ST8SIA2: variants seen among roughly 807,000 people sequenced by gnomAD.
ST8SIA2 encodes the protein alpha-2,8-sialyltransferase 8B.
Under a neutral mutation model 37.6 loss-of-function variants are expected in ST8SIA2, and 22 were observed. The observed-to-expected ratio is 0.58, with a 90% CI of 0.42 to 0.83. ST8SIA2 has a LOEUF of 0.83. Among genes scored for constraint, ST8SIA2 ranks in the 40% least tolerant of loss-of-function variants. ST8SIA2 has a pLI of 0.00. For synonymous variants in ST8SIA2, 205 were observed against 201.2 expected (o/e 1.02, Z -0.16); for missense variants, 382 against 484.7 (o/e 0.79, Z 1.99).
At chr15:92,424,795 A>G (rs1316250246) in intron 1 of ST8SIA2, among the ~76,000 whole-genome samples, 1 of 152,052 alleles carries the variant, frequency 6.6e-6, no homozygotes, top group Non-Finnish European at 1.5e-5. Flanking sequence ...TATTTTTAGT[A>G]CAGATGGGAT....
intron 1 of ST8SIA2, among the ~76,000 whole-genome samples, chr15:92,402,133 G>A (rs1053776520): frequency 6.6e-6 from 1 of 152,092 alleles, no homozygotes; most frequent in African/African-American, 2.4e-5. Flanking sequence ...CAGTGTTTTG[G>A]AAATACTATG....
At chr15:92,432,304 G>A (rs910599183) in intron 2 of ST8SIA2, among the ~76,000 whole-genome samples, 1 of 152,184 alleles carries the variant, frequency 6.6e-6, no homozygotes, top group Admixed American at 6.5e-5. Flanking sequence ...TGTCGCTGAG[G>A]TCAGTGCCCC....
chr15:92,430,633 C>T (rs1160052151), intron 2 of ST8SIA2, among the ~76,000 whole-genome samples: 1 of 152,182 alleles, frequency 6.6e-6, no homozygotes, highest in Non-Finnish European at 1.5e-5. Context: ...TGGTGCAGAA[C>T]AGTCATTGCC....
chr15:92,464,362 G>T lies in ST8SIA2; in HGVS notation c.1105G>T (p.Gly369Cys). Residue 369 changes from glycine (G) to cysteine (C), a missense_variant, in exon 6 of 6, where the codon GGC becomes TGC. Physicochemically the swap from Gly to Cys is radical, Grantham distance 159 (BLOSUM62 -3). Transcript: ENST00000268164. The part of the protein sequence containing the change: ...HEQGALKLTV[G>C]QCDGAT ...GCAGGGGGCTTTGAAACTGACTGTC[G>T]GCCAGTGCGATGGGGCCACGTAGGG... The T allele has an allele frequency of 6.2e-7, 1 of 1,613,770 alleles. No homozygotes were observed. The highest frequency in any genetic ancestry group is 8.5e-7 in the Non-Finnish European group (1 of 1,180,004).
Position 92,424,437 on chromosome 15 carries a change from CA to C in ST8SIA2, c.99-5607del, listed in dbSNP as rs948520253. 6.8e-4 allele frequency among the ~76,000 whole-genome samples: 103 copies of C among 152,014 alleles called. 1 individual carries two copies. Among genetic ancestry groups the C allele is most frequent in the Admixed American group, 6.7e-3 (103 of 15,266 alleles). On this transcript the variant is annotated intron_variant, in intron 1 of 5. Coordinates refer to ENST00000268164, the MANE Select transcript of ST8SIA2 (RefSeq NM_006011.4). The stretch of plus-strand genomic sequence containing the variant: ...ATTGGGCTTGGATGAAGAGGCTAAG[CA>C]AAAATGCAGTTTTCAGGTTTTGCTA...
At chr15:92,459,829 T>C (rs1255414706) in intron 5 of ST8SIA2, among the ~76,000 whole-genome samples, 1 of 152,176 alleles carries the variant, frequency 6.6e-6, no homozygotes, top group Non-Finnish European at 1.5e-5. Context: ...TGACCTCAGG[T>C]GATCCGCCCG....
intron 1 of ST8SIA2, among the ~76,000 whole-genome samples, chr15:92,416,352 T>G (rs1459012409): frequency 2.1e-5 from 3 of 140,966 alleles, no homozygotes; most frequent in Non-Finnish European, 3.1e-5. Context: ...GGGGTGGAGG[T>G]GGGTGGGAGG....
intron 5 of ST8SIA2, chr15:92,445,143 TG>T: frequency 1.5e-6 from 1 of 671,350 alleles, no homozygotes; most frequent in Non-Finnish European, 2.6e-6. Flanking sequence ...TTTTGACCAA[TG>T]GGTAGTGCCT....
chr15:92,411,634 G>T (rs2049550043), intron 1 of ST8SIA2, among the ~76,000 whole-genome samples: 1 of 152,140 alleles, frequency 6.6e-6, no homozygotes, highest in Admixed American at 6.5e-5. Context: ...GCAACTAGGG[G>T]ATAAGAGGGC....
Position 92,434,290 on chromosome 15 carries a change from G to T in ST8SIA2, c.205G>T (p.Asp69Tyr), listed in dbSNP as rs767205382. 3 of 1,613,916 alleles carry T rather than the reference G, an allele frequency of 1.9e-6. No individual in the cohort carries two copies. The highest frequency in any genetic ancestry group is 1.7e-6 in the Non-Finnish European group (2 of 1,179,998). Residue 69 changes from aspartate (D) to tyrosine (Y), a missense_variant, in exon 3 of 6, where the codon GAC becomes TAC. Coordinates refer to ENST00000268164, the MANE Select transcript of ST8SIA2 (RefSeq NM_006011.4). ...CGGCTCCTCATCACCAGCTGTTGTTGACAGAAGTAATGAAAGCATCAAGCA... is the reference window on the plus strand; with the variant it reads ...CGGCTCCTCATCACCAGCTGTTGTTTACAGAAGTAATGAAAGCATCAAGCA... ...INGSSSPAVV[D>Y]RSNESIKHNI...
At chr15:92,436,002 G>A (rs914050449) in intron 3 of ST8SIA2, among the ~76,000 whole-genome samples, 14 of 152,024 alleles carry the variant, frequency 9.2e-5, no homozygotes, top group East Asian at 3.9e-4. Flanking sequence ...TCTGGTGGCC[G>A]CAGAACTCCA....
At position 92,430,221 on chromosome 15, in the gene ST8SIA2, C is replaced by T. The variant is rs565614314; in HGVS notation, c.161+110C>T. 465 of 1,129,794 alleles carry T rather than the reference C, an allele frequency of 4.1e-4. No individual in the cohort carries two copies. The Middle Eastern group carries it at 5.9e-3, about 14-fold the overall frequency. The allele number at this position is 1,129,794 out of a possible 1,614,324, so 70.0% of individuals were successfully genotyped here. A position where few individuals can be genotyped will look rare whatever the true frequency, so the allele number is the denominator to read the frequency against. On this transcript the variant is annotated intron_variant, in intron 2 of 5. Coordinates refer to ENST00000268164, the MANE Select transcript of ST8SIA2 (RefSeq NM_006011.4). ...TCTTACTTAGCAAATAGATCTGTTTCGTTTCACTTTGGCTTTGCATTTCCC... is the reference window on the plus strand; with the variant it reads ...TCTTACTTAGCAAATAGATCTGTTTTGTTTCACTTTGGCTTTGCATTTCCC...
At position 92,438,517 on chromosome 15, in the gene ST8SIA2, A is replaced by G. The variant is rs531706864; in HGVS notation, c.455A>G (p.Lys152Arg). 5 of 1,614,196 alleles carry G rather than the reference A, an allele frequency of 3.1e-6. No homozygotes were observed. The highest frequency in any genetic ancestry group is 2.7e-5 in the African/African-American group (2 of 75,054). The change falls in exon 4 of 6, where the codon AAG (lysine) becomes AGG (arginine). Residue 152 changes from lysine (K) to arginine (R), a missense_variant. Lys to Arg is a conservative substitution (Grantham distance 26). Coordinates refer to ENST00000268164, the MANE Select transcript of ST8SIA2 (RefSeq NM_006011.4). ...LLPRTSPLKN[K>R]HFGTCAIVGN... ...CCCAGGACTTCGCCACTGAAGAATA[A>G]GCACTTTGGGACTTGTGCCATCGTG...
At chr15:92,424,300 C>T (rs922479866) in intron 1 of ST8SIA2, among the ~76,000 whole-genome samples, 1 of 152,132 alleles carries the variant, frequency 6.6e-6, no homozygotes, top group Non-Finnish European at 1.5e-5. Flanking sequence ...CTTACCTTAC[C>T]TATAAATAAC....
chr15:92,435,464 A>G (rs2049749747), intron 3 of ST8SIA2, among the ~76,000 whole-genome samples: 2 of 152,142 alleles, frequency 1.3e-5, no homozygotes, highest in South Asian at 4.1e-4. Flanking sequence ...GACGATAGGC[A>G]GGACCAGACG....
intron 1 of ST8SIA2, among the ~76,000 whole-genome samples, chr15:92,396,367 T>G (rs2049430241): frequency 6.6e-6 from 1 of 152,126 alleles, no homozygotes; most frequent in Non-Finnish European, 1.5e-5. Flanking sequence ...ATTTTGGGAT[T>G]CACCATGGCT....
chr15:92,444,447 C>G (rs548298875), intron 4 of ST8SIA2, among the ~76,000 whole-genome samples, 189 bp from the exon 5 acceptor site: 1 of 152,248 alleles, frequency 6.6e-6, no homozygotes, highest in South Asian at 2.1e-4. Flanking sequence ...GATATGAGCT[C>G]AGTAAACCTT....
At chr15:92,438,240 G>C (rs575415315) in intron 3 of ST8SIA2, 113 bp from the exon 4 acceptor site, 2 of 1,467,200 alleles carry the variant, frequency 1.4e-6, no homozygotes, top group South Asian at 1.1e-5. Context: ...CATACTCTGC[G>C]TGTTTGCTGG....
intron 1 of ST8SIA2, among the ~76,000 whole-genome samples, chr15:92,421,795 T>A (rs1488874077): frequency 6.6e-6 from 1 of 152,204 alleles, no homozygotes; most frequent in Middle Eastern, 3.2e-3. Flanking sequence ...AGAGGGAAGA[T>A]AACAGTGTCT....
Sources: allele counts gnomAD v4.1 joint callset (sites outside exome capture counted in the v4.1 genomes callset), GRCh38; gene constraint gnomAD v4.1.1; transcripts MANE v1.5; gene names NCBI Gene and HGNC (gene_info 2026-07-23, HGNC 2026-07-21).